Variants in GPT2 observed in about 807,000 individuals in gnomAD.
GPT2 encodes the protein glutamic--pyruvic transaminase 2, also known as alanine aminotransferase 2.
Under a neutral mutation model 56.9 loss-of-function variants are expected in GPT2, and 30 were observed. That is an observed-to-expected ratio of 0.53 (90% CI 0.39 to 0.72). The LOEUF (loss-of-function observed/expected upper bound fraction) is 0.72, where lower values mean the gene tolerates loss of function less well. GPT2 is among the 30% of genes least tolerant of loss of function. The probability of loss-of-function intolerance (pLI) is 0.00; values close to 1 mark genes in which losing one functional copy is unlikely to be tolerated. For missense variants in GPT2, 542 were observed against 703.4 expected (o/e 0.77, Z 2.60); for synonymous variants, 271 against 283.1 (o/e 0.96, Z 0.43).
chr16:46,918,725 C>T lies in GPT2; in HGVS notation c.1005C>T (p.Ser335=). The change falls in exon 8 of 12, where the codon TCC becomes TCT. Residue 335 remains serine (S), a synonymous_variant. Transcript: ENST00000340124. ...ACTCCAGCAACGTGGAGCTCGCCTC[C>T]TTCCACTCCACCTCCAAGGGCTACA... ...PEYSSNVELA[S]FHSTSKGYMG... 2 of 1,614,220 alleles carry T rather than the reference C, an allele frequency of 1.2e-6. No individual in the cohort carries two copies. The highest frequency in any genetic ancestry group is 2.2e-5 in the South Asian group (2 of 91,084).
chr16:46,897,747 C>G lies in GPT2; in HGVS notation c.333+10C>G. On this transcript the variant is annotated intron_variant, in intron 3 of 11. Coordinates refer to ENST00000340124, the MANE Select transcript of GPT2 (RefSeq NM_133443.4). ...CACCTTCCTCCGGCAGGTGAGCCGC[C>G]CCCAGGAGCAGAGGCTGCAGGAGGG... The G allele has an allele frequency of 6.2e-7, 1 of 1,613,556 alleles. No homozygotes were observed. The highest frequency in any genetic ancestry group is 1.3e-5 in the African/African-American group (1 of 75,028).
intron 3 of GPT2, among the ~76,000 whole-genome samples, chr16:46,899,854 C>T (rs1960782794): frequency 6.6e-6 from 1 of 152,236 alleles, no homozygotes; most frequent in South Asian, 2.1e-4. Context: ...TCCAGCCCTG[C>T]CACTGTGCAT....
At position 46,929,405 on chromosome 16, in the gene GPT2, A is replaced by T. The variant is rs1443191386; in HGVS notation, c.*408A>T. ...CTGGAAATCCAAACTCACCACCATG[A>T]TCTGTGAAATAAAGCCCTTAGCGGT... is the stretch of plus-strand genomic sequence containing the variant. On this transcript the variant is annotated 3_prime_UTR_variant, in exon 12 of 12. Coordinates refer to ENST00000340124, the MANE Select transcript of GPT2 (RefSeq NM_133443.4). The T allele has an allele frequency of 4.5e-6, 1 of 220,578 alleles. No homozygotes were observed. Among genetic ancestry groups the T allele is most frequent in the East Asian group, 1.0e-4 (1 of 9,854 alleles). The allele number at this position is 220,578 out of a possible 1,614,324, so 13.7% of individuals were successfully genotyped here.
chr16:46,904,138 G>A (rs774447251), intron 4 of GPT2, among the ~76,000 whole-genome samples: 22 of 152,218 alleles, frequency 1.4e-4, no homozygotes, highest in African/African-American at 1.7e-4. Flanking sequence ...AGCACAGCCC[G>A]CAGTGGGCAA....
At chr16:46,919,382 G>A (rs996678768) in intron 8 of GPT2, among the ~76,000 whole-genome samples, 6 of 152,176 alleles carry the variant, frequency 3.9e-5, no homozygotes, top group Admixed American at 2.0e-4. Context: ...GGGTGGGGTC[G>A]AAGGCTGAAG....
intron 3 of GPT2, among the ~76,000 whole-genome samples, chr16:46,900,036 G>T (rs1450929162): frequency 6.6e-6 from 1 of 152,230 alleles, no homozygotes; most frequent in African/African-American, 2.4e-5. Context: ...CCCCACTGGT[G>T]TCAGAGCCAC....
chr16:46,908,742 T>C (rs1376614573), intron 5 of GPT2, among the ~76,000 whole-genome samples: 1 of 152,084 alleles, frequency 6.6e-6, no homozygotes, highest in African/African-American at 2.4e-5. Flanking sequence ...AAGGCCTCTC[T>C]TGAATCCCAG....
At chr16:46,913,387 G>A (rs1415493656) in intron 6 of GPT2, among the ~76,000 whole-genome samples, 2 of 152,222 alleles carry the variant, frequency 1.3e-5, no homozygotes, top group African/African-American at 2.4e-5. Context: ...GCAAGACCAG[G>A]AGGAATTACA....
chr16:46,922,307 T>A lies in GPT2; in HGVS notation c.1103T>A (p.Val368Glu), dbSNP rs1225010503. 1 of 1,614,218 alleles carries A rather than the reference T, an allele frequency of 6.2e-7. No individual in the cohort carries two copies. The highest frequency in any genetic ancestry group is 8.5e-7 in the Non-Finnish European group (1 of 1,180,020). The change falls in exon 9 of 12, where the codon GTG becomes GAG. Residue 368 changes from valine to glutamate, a missense_variant. Physicochemically the swap from Val to Glu is moderately radical, Grantham distance 121 (BLOSUM62 -2). Transcript: ENST00000340124. Reference sequence around the variant, plus strand: ...CACCCTGAGATCAAGGGCCAGCTGGTGAAGCTGCTGTCGGTGCGCCTGTGC... The same window carrying A: ...CACCCTGAGATCAAGGGCCAGCTGGAGAAGCTGCTGTCGGTGCGCCTGTGC... Reference protein sequence around the residue: ...NLHPEIKGQLVKLLSVRLCPP... With the variant: ...NLHPEIKGQLEKLLSVRLCPP...
At chr16:46,886,972 G>A (rs1461558309) in intron 2 of GPT2, among the ~76,000 whole-genome samples, 1 of 152,170 alleles carries the variant, frequency 6.6e-6, no homozygotes, top group Non-Finnish European at 1.5e-5. Context: ...TTCCCCGGCT[G>A]TGGGTGCTGG....
At chr16:46,908,188 G>T (rs948922864) in intron 5 of GPT2, among the ~76,000 whole-genome samples, 55 of 151,410 alleles carry the variant, frequency 3.6e-4, no homozygotes, top group African/African-American at 1.2e-3. Context: ...GACTGGTGGA[G>T]CCTGCAGTCC....
At chr16:46,888,182 C>T (rs2143327272) in intron 2 of GPT2, among the ~76,000 whole-genome samples, 1 of 152,298 alleles carries the variant, frequency 6.6e-6, no homozygotes, top group South Asian at 2.1e-4. Flanking sequence ...GAGGGGAAGA[C>T]TGACAATTAC....
At chr16:46,925,912 C>CT (rs1460909855) in intron 10 of GPT2, among the ~76,000 whole-genome samples, 3 of 151,128 alleles carry the variant, frequency 2.0e-5, no homozygotes, top group Non-Finnish European at 4.4e-5. Flanking sequence ...GGTGGATCAC[C>CT]TGAGATCAGG....
At chr16:46,911,195 T>A (rs1218132920) in intron 6 of GPT2, among the ~76,000 whole-genome samples, 1 of 152,222 alleles carries the variant, frequency 6.6e-6, no homozygotes, top group Non-Finnish European at 1.5e-5. Context: ...CCCCCAATTT[T>A]GCATATTTTT....
chr16:46,907,077 C>A, intron 5 of GPT2, 102 bp downstream of exon 5: 1 of 1,524,848 alleles, frequency 6.6e-7, no homozygotes. Context: ...GGGAGGGTGG[C>A]AGCACGGGTG....
intron 9 of GPT2, chr16:46,923,765 C>T (rs573682258): frequency 5.8e-6 from 1 of 171,424 alleles, no homozygotes; most frequent in East Asian, 1.6e-4. Context: ...GCTGCATGCA[C>T]ACCACACAGA....
At position 46,918,618 on chromosome 16, in the gene GPT2, C is replaced by T. The variant is rs753241142; in HGVS notation, c.901-3C>T. 1 of 1,614,062 alleles carries T rather than the reference C, an allele frequency of 6.2e-7. No homozygotes were observed. Among genetic ancestry groups the T allele is most frequent in the Admixed American group, 1.7e-5 (1 of 60,004 alleles). Reference sequence around the variant, plus strand: ...GGTGACCGTCCCTGCCGTGCCCCCGCAGGTGTACCAGGACAACGTGTACTC... The same window carrying T: ...GGTGACCGTCCCTGCCGTGCCCCCGTAGGTGTACCAGGACAACGTGTACTC... On this transcript the variant is annotated splice_region_variant and splice_polypyrimidine_tract_variant and intron_variant, in intron 7 of 11. Transcript: ENST00000340124.
At chr16:46,891,389 C>T (rs1030366695) in intron 2 of GPT2, among the ~76,000 whole-genome samples, 1 of 151,530 alleles carries the variant, frequency 6.6e-6, no homozygotes, top group Non-Finnish European at 1.5e-5. Flanking sequence ...ATTACAGGCA[C>T]CTGCCACCAC....
At position 46,929,517 on chromosome 16, in the gene GPT2, C is replaced by G. The variant is rs1961490747; in HGVS notation, c.*520C>G. On this transcript the variant is annotated 3_prime_UTR_variant, in exon 12 of 12. Coordinates refer to ENST00000340124, the MANE Select transcript of GPT2 (RefSeq NM_133443.4). ...CGCCCGGTGGCCTGGAGGCAGGCGC[C>G]GGGAGCGCAGTAGCACGTGGACTGG... 1 of 160,030 alleles carries G rather than the reference C, an allele frequency of 6.2e-6. No homozygotes were observed. Among genetic ancestry groups the G allele is most frequent in the Non-Finnish European group, 1.4e-5 (1 of 72,324 alleles). The allele number at this position is 160,030 out of a possible 1,614,324, so 9.9% of individuals were successfully genotyped here.
Sources: allele counts gnomAD v4.1 joint callset (sites outside exome capture counted in the v4.1 genomes callset), GRCh38; gene constraint gnomAD v4.1.1; transcripts MANE v1.5; gene names NCBI Gene and HGNC (gene_info 2026-07-23, HGNC 2026-07-21).